PDE7B: variants seen among roughly 807,000 people sequenced by gnomAD.
The protein encoded by PDE7B is 3',5'-cyclic-AMP phosphodiesterase 7B.
In PDE7B, 29 loss-of-function variants were observed where a neutral mutation model predicts 56.2. That is an observed-to-expected ratio of 0.52 (90% CI 0.38 to 0.70). The LOEUF is 0.70. Ranked by LOEUF, PDE7B falls within the 30% of genes least tolerant of loss-of-function variation. The pLI is 0.00. For synonymous variants in PDE7B, 197 were observed against 196.9 expected (o/e 1.00, Z 0.00); for missense variants, 490 against 565.0 (o/e 0.87, Z 1.35).
intron 2 of PDE7B, among the ~76,000 whole-genome samples, chr6:135,955,903 G>A (rs1216369698): frequency 1.3e-5 from 2 of 152,154 alleles, no homozygotes; most frequent in African/African-American, 4.8e-5. Flanking sequence ...ATTTGCATGG[G>A]GTGGGGAGAA....
chr6:135,912,173 C>T (rs916240916), intron 1 of PDE7B, among the ~76,000 whole-genome samples: 1 of 152,212 alleles, frequency 6.6e-6, no homozygotes, highest in Non-Finnish European at 1.5e-5. Flanking sequence ...AGTTGCTATA[C>T]ATTAAGAGTT....
chr6:135,872,637 TAACA>T (rs1173391059), intron 1 of PDE7B, among the ~76,000 whole-genome samples: 1 of 152,152 alleles, frequency 6.6e-6, no homozygotes, highest in Non-Finnish European at 1.5e-5. Flanking sequence ...CCTCCCTACC[TAACA>T]AAGTCTCACA....
chr6:136,172,992 T>G (rs949879846), intron 8 of PDE7B, among the ~76,000 whole-genome samples: 16 of 151,538 alleles, frequency 1.1e-4, no homozygotes, highest in African/African-American at 3.1e-4. Context: ...CACTGCTCAA[T>G]GAAATAAAAG....
intron 1 of PDE7B, among the ~76,000 whole-genome samples, chr6:135,916,392 C>CTTTTTTTTTTTTTTTTTTTTTTTTTT (rs566408380): frequency 1.0e-5 from 1 of 96,348 alleles, no homozygotes; most frequent in Non-Finnish European, 1.9e-5. Context: ...TCTTTTCTTT[C>CTTTTTTTTTTTTTTTTTTTTTTTTTT]TTTTTTTTTT....
At chr6:136,004,170 T>G (rs1190360844) in intron 2 of PDE7B, among the ~76,000 whole-genome samples, 3 of 152,156 alleles carry the variant, frequency 2.0e-5, no homozygotes, top group Non-Finnish European at 2.9e-5. Context: ...TGCTAAAAAC[T>G]CTCAATAAAT....
At chr6:136,138,543 C>A (rs1002131885) in intron 3 of PDE7B, among the ~76,000 whole-genome samples, 1 of 151,966 alleles carries the variant, frequency 6.6e-6, no homozygotes, top group African/African-American at 2.4e-5. Flanking sequence ...CACGTTCTTC[C>A]CCTTTAGAAA....
intron 2 of PDE7B, among the ~76,000 whole-genome samples, chr6:136,008,038 G>A (rs7740628): frequency 0.13 from 19,372 of 144,894 alleles, 2,760 homozygotes; most frequent in African/African-American, 0.36. Flanking sequence ...CTGTGTCCAT[G>A]TGTTCTCATT....
chr6:135,996,923 A>T (rs1775575232), intron 2 of PDE7B, among the ~76,000 whole-genome samples: 2 of 152,126 alleles, frequency 1.3e-5, no homozygotes, highest in Non-Finnish European at 2.9e-5. Context: ...ATTAAATTTG[A>T]GTATAGTCCA....
chr6:136,098,147 G>GA (rs1554279576), intron 2 of PDE7B: 13 of 62,876 alleles, frequency 2.1e-4, no homozygotes, highest in Non-Finnish European at 2.9e-4. Context: ...GGGGGGGGGG[G>GA]AAATATATGT....
At chr6:136,144,944 A>T (rs1431820997) in intron 3 of PDE7B, among the ~76,000 whole-genome samples, 2 of 152,086 alleles carry the variant, frequency 1.3e-5, no homozygotes, top group Non-Finnish European at 2.9e-5. Flanking sequence ...ACATTTTTCC[A>T]CTAAAAACTA....
chr6:136,130,603 G>T (rs1778101099), intron 3 of PDE7B, among the ~76,000 whole-genome samples: 1 of 152,172 alleles, frequency 6.6e-6, no homozygotes, highest in Non-Finnish European at 1.5e-5. Context: ...TGCCACAGCT[G>T]AAGTGGAAAC....
intron 3 of PDE7B, chr6:136,112,413 G>A (rs138797094): frequency 6.6e-6 from 1 of 152,240 alleles, no homozygotes; most frequent in East Asian, 1.9e-4. Flanking sequence ...TATGACTGCT[G>A]TCACTGAAAC....
intron 2 of PDE7B, among the ~76,000 whole-genome samples, chr6:136,075,568 C>T (rs910612252): frequency 6.6e-6 from 1 of 152,224 alleles, no homozygotes; most frequent in Non-Finnish European, 1.5e-5. Flanking sequence ...TTTGCCCTGG[C>T]ACTGCTTTAT....
intron 2 of PDE7B, among the ~76,000 whole-genome samples, chr6:136,096,897 C>CA (rs1460180403): frequency 6.6e-6 from 1 of 152,156 alleles, no homozygotes. Flanking sequence ...CTCACTCACT[C>CA]ACTTCAGTCA....
intron 3 of PDE7B, among the ~76,000 whole-genome samples, chr6:136,146,958 A>G (rs1778423236): frequency 2.6e-5 from 4 of 152,128 alleles, no homozygotes; most frequent in African/African-American, 4.8e-5. Context: ...CCTGGGCAAC[A>G]TGGCAAAAAC....
intron 2 of PDE7B, chr6:136,046,398 T>G (rs560578578): frequency 3.3e-5 from 5 of 152,230 alleles, no homozygotes; most frequent in African/African-American, 1.2e-4. Context: ...ATAGGGAAAT[T>G]TAAACTTGTT....
intron 3 of PDE7B, among the ~76,000 whole-genome samples, chr6:136,129,567 C>T (rs1452849323): frequency 6.6e-6 from 1 of 152,228 alleles, no homozygotes; most frequent in Admixed American, 6.5e-5. Flanking sequence ...AGCTCCCGCT[C>T]TTGACAGGAA....
At chr6:136,160,218 T>C (rs1778679397) in intron 8 of PDE7B, among the ~76,000 whole-genome samples, 1 of 152,160 alleles carries the variant, frequency 6.6e-6, no homozygotes, top group African/African-American at 2.4e-5. Flanking sequence ...AATGTGAAAT[T>C]ACTGAACCGA....
intron 2 of PDE7B, among the ~76,000 whole-genome samples, chr6:136,075,732 C>T (rs1204515988): frequency 6.6e-6 from 1 of 152,114 alleles, no homozygotes; most frequent in Non-Finnish European, 1.5e-5. Flanking sequence ...TGAGTGATCC[C>T]TGAAAAGGGT....
Sources: gnomAD v4.1 joint callset for allele counts (sites outside exome capture counted in the v4.1 genomes callset) on GRCh38, gnomAD v4.1.1 for gene constraint, MANE v1.5 for transcripts, NCBI Gene and HGNC (gene_info 2026-07-23, HGNC 2026-07-21) for gene names.